Variants in PIGW observed in about 807,000 individuals in gnomAD.
The protein encoded by PIGW is phosphatidylinositol glycan anchor biosynthesis class W.
PIGW carries 23 observed loss-of-function variants against 34.0 expected under a neutral mutation model. The ratio of observed to expected loss-of-function variants is 0.68; its 90% CI spans 0.49 to 0.96. The LOEUF is 0.96. PIGW is among the 40% of genes least tolerant of loss of function. The pLI, the probability that PIGW is intolerant of heterozygous loss-of-function variation, is 0.00. For synonymous variants in PIGW, 225 were observed against 225.2 expected (o/e 1.00, Z 0.01); for missense variants, 574 against 586.3 (o/e 0.98, Z 0.22).
At chr17:36,537,034 T>C (rs1304265151) in intron 1 of PIGW, 60 bp from the exon 2 acceptor site, 6 of 1,410,348 alleles carry the variant, frequency 4.3e-6, no homozygotes, top group Middle Eastern at 1.9e-4. Flanking sequence ...AAGCCAGGTA[T>C]GCTAATTACA....
Position 36,538,684 on chromosome 17 carries a change from G to T in PIGW, c.*68G>T. The T allele has an allele frequency of 1.5e-6, 2 of 1,325,246 alleles. No individual in the cohort carries two copies. Among genetic ancestry groups the T allele is most frequent in the Non-Finnish European group, 2.1e-6 (2 of 964,096 alleles). The allele number at this position is 1,325,246 out of a possible 1,614,324, so 82.1% of individuals were successfully genotyped here. A position where few individuals can be genotyped will look rare whatever the true frequency, so the allele number is the denominator to read the frequency against. On this transcript the variant is annotated 3_prime_UTR_variant, in exon 2 of 2. Coordinates refer to ENST00000614443, the MANE Select transcript of PIGW (RefSeq NM_001346754.2). Reference sequence around the variant, plus strand: ...GAGGAATATTAATTGTAAAGAAATTGTGCTTTTGGCAACAGTGTTAACCAT... The same window carrying T: ...GAGGAATATTAATTGTAAAGAAATTTTGCTTTTGGCAACAGTGTTAACCAT...
At position 36,535,160 on chromosome 17, in the gene PIGW, C is replaced by A. The variant is rs994234422; in HGVS notation, c.-441C>A. 6.7e-6 allele frequency: 1 copy of A among 149,528 alleles called. No homozygotes were observed. Among genetic ancestry groups the A allele is most frequent in the Non-Finnish European group, 1.5e-5 (1 of 68,126 alleles). The allele number at this position is 149,528 out of a possible 1,614,324, so 9.3% of individuals were successfully genotyped here. A position where few individuals can be genotyped will look rare whatever the true frequency, so the allele number is the denominator to read the frequency against. On this transcript the variant is annotated 5_prime_UTR_variant, in exon 1 of 2. Transcript: ENST00000614443. ...GGTTTCCTGGGCCTTCGGGCGACAC[C>A]AGGACTGGGGGTCTTTCAGTAGAGG...
rs886794381 is a variant in PIGW, at chr17:36,537,744, G to A, written c.643G>A (p.Gly215Arg). The A allele has an allele frequency of 6.2e-6, 10 of 1,613,956 alleles. No individual in the cohort carries two copies. The highest frequency in any genetic ancestry group is 5.3e-5 in the African/African-American group (4 of 74,880). Residue 215 changes from glycine to arginine, a missense_variant, in exon 2 of 2, where the codon GGA becomes AGA. Physicochemically the swap from Gly to Arg is moderately radical, Grantham distance 125. Coordinates refer to ENST00000614443, the MANE Select transcript of PIGW (RefSeq NM_001346754.2). The stretch of plus-strand genomic sequence containing the variant: ...TTGGCCATTAGTCTTCCTAGGAATC[G>A]GACGATTAGCCATTATAAAATCAAT... ...SVWPLVFLGI[G>R]RLAIIKSIGY...
chr17:36,537,735 C>G lies in PIGW; in HGVS notation c.634C>G (p.Leu212Val). The part of the protein sequence containing the change: ...SLYSVWPLVF[L>V]GIGRLAIIKS... ...GTACTCTGTTTGGCCATTAGTCTTC[C>G]TAGGAATCGGACGATTAGCCATTAT... Residue 212 changes from leucine to valine, a missense_variant, in exon 2 of 2, where the codon CTA becomes GTA. Physicochemically the swap from Leu to Val is conservative, Grantham distance 32. Coordinates refer to ENST00000614443, the MANE Select transcript of PIGW (RefSeq NM_001346754.2). The G allele has an allele frequency of 6.2e-7, 1 of 1,614,014 alleles. No individual in the cohort carries two copies. The highest frequency in any genetic ancestry group is 1.1e-5 in the South Asian group (1 of 91,078).
At position 36,537,238 on chromosome 17, in the gene PIGW, T is replaced by C; in HGVS notation, c.137T>C (p.Leu46Ser). The change falls in exon 2 of 2, where the codon TTG becomes TCG. Residue 46 changes from leucine to serine, a missense_variant. Transcript: ENST00000614443. ...RGFLIIFSQY[L>S]CSFSPTWKTR... ...TTCCTGATCATTTTCTCACAGTACT[T>C]GTGTTCTTTTTCACCTACCTGGAAA... 6.2e-7 allele frequency: 1 copy of C among 1,614,142 alleles called. No homozygotes were observed. Among genetic ancestry groups the C allele is most frequent in the Non-Finnish European group, 8.5e-7 (1 of 1,180,024 alleles).
At position 36,538,052 on chromosome 17, in the gene PIGW, G is replaced by C. The variant is rs756600566; in HGVS notation, c.951G>C (p.Met317Ile). Residue 317 changes from methionine to isoleucine, a missense_variant, in exon 2 of 2, where the codon ATG becomes ATC. Physicochemically the swap from Met to Ile is conservative, Grantham distance 10. Transcript: ENST00000614443. ...CCCTGGGGTATGTGGCAATACACAT[G>C]GCTGGTGTGCAAACAGGGTTATATA... ...ISTLGYVAIHMAGVQTGLYMH... is the reference protein window; with the variant it reads ...ISTLGYVAIHIAGVQTGLYMH... 1 of 1,614,124 alleles carries C rather than the reference G, an allele frequency of 6.2e-7. No individual in the cohort carries two copies. Among genetic ancestry groups the C allele is most frequent in the Non-Finnish European group, 8.5e-7 (1 of 1,180,032 alleles).
Position 36,537,782 on chromosome 17 carries a change from A to G in PIGW, c.681A>G (p.Glu227=), listed in dbSNP as rs2074163182. Residue 227 remains glutamate (E), a synonymous_variant, in exon 2 of 2, where the codon GAA becomes GAG. Coordinates refer to ENST00000614443, the MANE Select transcript of PIGW (RefSeq NM_001346754.2). ...LAIIKSIGYQ[E]HLTEYGVHWN... Reference sequence around the variant, plus strand: ...TTATAAAATCAATAGGCTATCAGGAACATTTAACAGAGTATGGAGTTCACT... The same window carrying G: ...TTATAAAATCAATAGGCTATCAGGAGCATTTAACAGAGTATGGAGTTCACT... 1 of 1,614,072 alleles carries G rather than the reference A, an allele frequency of 6.2e-7. No homozygotes were observed. The highest frequency in any genetic ancestry group is 1.3e-5 in the African/African-American group (1 of 74,940).
Position 36,537,211 on chromosome 17 carries a change from G to A in PIGW, c.110G>A (p.Gly37Glu). 1 of 1,614,142 alleles carries A rather than the reference G, an allele frequency of 6.2e-7. No homozygotes were observed. Among genetic ancestry groups the A allele is most frequent in the Non-Finnish European group, 8.5e-7 (1 of 1,179,990 alleles). The change falls in exon 2 of 2, where the codon GGG becomes GAG. Residue 37 changes from glycine to glutamate, a missense_variant. By Grantham distance (98) the Gly-to-Glu change is moderately conservative. Coordinates refer to ENST00000614443, the MANE Select transcript of PIGW (RefSeq NM_001346754.2). Reference sequence around the variant, plus strand: ...CCTGCATTCTGTATCCTGTGCAGAGGGTTCCTGATCATTTTCTCACAGTAC... The same window carrying A: ...CCTGCATTCTGTATCCTGTGCAGAGAGTTCCTGATCATTTTCTCACAGTAC... The part of the protein sequence containing the change: ...CFPAFCILCR[G>E]FLIIFSQYLC...
In PIGW at chr17:36,537,687, T is replaced by C. The variant is rs750371514; in HGVS notation, c.586T>C (p.Leu196=). Reference sequence around the variant, plus strand: ...GAGAAAATATATGGAAGGGTCCAAATTGCATTACTTTACAAACTCATTGTA... The same window carrying C: ...GAGAAAATATATGGAAGGGTCCAAACTGCATTACTTTACAAACTCATTGTA... The part of the protein sequence containing the change: ...RRRKYMEGSK[L]HYFTNSLYSV... Residue 196 remains leucine (L), a synonymous_variant, in exon 2 of 2, where the codon TTG becomes CTG. Coordinates refer to ENST00000614443, the MANE Select transcript of PIGW (RefSeq NM_001346754.2). 1 of 1,614,128 alleles carries C rather than the reference T, an allele frequency of 6.2e-7. No individual in the cohort carries two copies. Among genetic ancestry groups the C allele is most frequent in the East Asian group, 2.2e-5 (1 of 44,882 alleles).
At position 36,537,845 on chromosome 17, in the gene PIGW, A is replaced by C. The variant is rs1330790592; in HGVS notation, c.744A>C (p.Ile248=). The change falls in exon 2 of 2, where the codon ATA becomes ATC. Residue 248 remains isoleucine (I), a synonymous_variant. Coordinates refer to ENST00000614443, the MANE Select transcript of PIGW (RefSeq NM_001346754.2). The part of the protein sequence containing the change: ...FFFTIIVVKL[I]TPLLLIIFPL... ...TTACCATAATAGTTGTGAAATTGAT[A>C]ACACCACTGCTGTTGATTATTTTTC... is the stretch of plus-strand genomic sequence containing the variant. 6.2e-7 allele frequency: 1 copy of C among 1,614,160 alleles called. No individual in the cohort carries two copies.
rs747229192 is a variant in PIGW at position 36,537,118 on chromosome 17, T to C, written c.17T>C (p.Met6Thr). 6 of 1,591,564 alleles carry C rather than the reference T, an allele frequency of 3.8e-6. No homozygotes were observed. Among genetic ancestry groups the C allele is most frequent in the Non-Finnish European group, 4.3e-6 (5 of 1,170,802 alleles). Residue 6 changes from methionine (M) to threonine (T), a missense_variant, in exon 2 of 2, where the codon ATG (methionine) becomes ACG (threonine). By Grantham distance (81) the Met-to-Thr change is moderately conservative (BLOSUM62 -1). Coordinates refer to ENST00000614443, the MANE Select transcript of PIGW (RefSeq NM_001346754.2). ...GGAAGAAAAATGTCTGAAAAGCAGA[T>C]GAAGGAAGCTTTTGTCAGTAACCTC... MSEKQMKEAFVSNLNG... is the reference protein window; with the variant it reads MSEKQTKEAFVSNLNG...
chr17:36,537,087 T>C lies in PIGW; in HGVS notation c.-8-7T>C. The C allele has an allele frequency of 6.4e-7, 1 of 1,570,444 alleles. No individual in the cohort carries two copies. Among genetic ancestry groups the C allele is most frequent in the Non-Finnish European group, 8.6e-7 (1 of 1,160,014 alleles). On this transcript the variant is annotated splice_polypyrimidine_tract_variant and splice_region_variant and intron_variant, in intron 1 of 1. Coordinates refer to ENST00000614443, the MANE Select transcript of PIGW (RefSeq NM_001346754.2). ...ACAAATCCATTCCTTTGCTCTTGTTTTCACAGGAAGAAAAATGTCTGAAAA... is the reference window on the plus strand; with the variant it reads ...ACAAATCCATTCCTTTGCTCTTGTTCTCACAGGAAGAAAAATGTCTGAAAA...
rs138661637 is a variant in PIGW, at chr17:36,539,020, G to T, written c.*404G>T. ...AACACCCACCTTGGCCTCCCAAAGT[G>T]CTGGGATTACAGGTGTGAGCCACCA... is the stretch of plus-strand genomic sequence containing the variant. On this transcript the variant is annotated 3_prime_UTR_variant, in exon 2 of 2. Coordinates refer to ENST00000614443, the MANE Select transcript of PIGW (RefSeq NM_001346754.2). The T allele has an allele frequency of 6.7e-3, 1,155 of 173,522 alleles. 12 individuals carry two copies. The highest frequency in any genetic ancestry group is 0.026 in the African/African-American group (1,093 of 41,704). 10.7% of individuals were successfully genotyped at this position (173,522 alleles called of 1,614,324 possible).
In PIGW at chr17:36,537,239, G is replaced by C. The variant is rs906166925; in HGVS notation, c.138G>C (p.Leu46Phe). 6.2e-7 allele frequency: 1 copy of C among 1,614,062 alleles called. No individual in the cohort carries two copies. The highest frequency in any genetic ancestry group is 2.2e-5 in the East Asian group (1 of 44,878). ...TCCTGATCATTTTCTCACAGTACTTGTGTTCTTTTTCACCTACCTGGAAAA... is the reference window on the plus strand; with the variant it reads ...TCCTGATCATTTTCTCACAGTACTTCTGTTCTTTTTCACCTACCTGGAAAA... ...RGFLIIFSQY[L>F]CSFSPTWKTR... is the part of the protein sequence containing the mutation. The change falls in exon 2 of 2, where the codon TTG becomes TTC. Residue 46 changes from leucine to phenylalanine, a missense_variant. Transcript: ENST00000614443.
rs2074177282 is a variant in PIGW at position 36,538,643 on chromosome 17, T to C, written c.*27T>C. ...CAGCAGGAGTAGGATATATAAGTAT[T>C]TGGGCAATATTTAATGAGGAATATT... On this transcript the variant is annotated 3_prime_UTR_variant, in exon 2 of 2. Transcript: ENST00000614443. The C allele has an allele frequency of 6.7e-7, 1 of 1,483,726 alleles. No individual in the cohort carries two copies. Among genetic ancestry groups the C allele is most frequent in the Non-Finnish European group, 9.2e-7 (1 of 1,090,764 alleles). 91.9% of individuals were successfully genotyped at this position (1,483,726 alleles called of 1,614,324 possible). A position where few individuals can be genotyped will look rare whatever the true frequency, so the allele number is the denominator to read the frequency against.
rs1009368269 is a variant in PIGW, at chr17:36,538,107, T to G, written c.1006T>G (p.Leu336Val). The G allele has an allele frequency of 5.0e-6, 8 of 1,614,210 alleles. No homozygotes were observed. Among genetic ancestry groups the G allele is most frequent in the Non-Finnish European group, 6.8e-6 (8 of 1,180,044 alleles). Reference sequence around the variant, plus strand: ...TAAGAACCGATCACATATCAAAGACTTGATAAAAGTAGCCTGTTTTCTTTT... The same window carrying G: ...TAAGAACCGATCACATATCAAAGACGTGATAAAAGTAGCCTGTTTTCTTTT... ...MHKNRSHIKD[L>V]IKVACFLLLA... Residue 336 changes from leucine to valine, a missense_variant, in exon 2 of 2, where the codon TTG becomes GTG. By Grantham distance (32) the Leu-to-Val change is conservative. Transcript: ENST00000614443.
chr17:36,536,524 C>CATT (rs2074129893), intron 1 of PIGW, among the ~76,000 whole-genome samples: 1 of 125,532 alleles, frequency 8.0e-6, no homozygotes, highest in South Asian at 2.5e-4. Flanking sequence ...TTTTCTTTTC[C>CATT]TTTTTTTTTT....
At position 36,538,552 on chromosome 17, in the gene PIGW, T is replaced by TA; in HGVS notation, c.1451_1452insA (p.Met484IlefsTer16). On this transcript the variant is annotated frameshift_variant, in exon 2 of 2. Coordinates refer to ENST00000614443, the MANE Select transcript of PIGW (RefSeq NM_001346754.2). LOFTEE classifies it high-confidence loss of function. ...GCCTTATTTGTGGTCAATCTCTATA[T>TA]GTTTTCCAACTGTTTAATTGTATAT... 1 of 1,613,868 alleles carries TA rather than the reference T, an allele frequency of 6.2e-7. No individual in the cohort carries two copies. Among genetic ancestry groups the TA allele is most frequent in the Middle Eastern group, 1.6e-4 (1 of 6,062 alleles).
Position 36,537,895 on chromosome 17 carries a change from C to T in PIGW, c.794C>T (p.Ala265Val), listed in dbSNP as rs746256488. 8.1e-6 allele frequency: 13 copies of T among 1,613,842 alleles called. No homozygotes were observed. The highest frequency in any genetic ancestry group is 2.7e-5 in the African/African-American group (2 of 74,886). The stretch of plus-strand genomic sequence containing the variant: ...CCCCTAAATAAGTCCTGGATTATTG[C>T]CCTCGGCATTACTGTATTATACCAG... ...IFPLNKSWII[A>V]LGITVLYQLA... Residue 265 changes from alanine (A) to valine (V), a missense_variant, in exon 2 of 2, where the codon GCC becomes GTC. Coordinates refer to ENST00000614443, the MANE Select transcript of PIGW (RefSeq NM_001346754.2).
Sources: gnomAD v4.1 joint callset for allele counts (sites outside exome capture counted in the v4.1 genomes callset) on GRCh38, gnomAD v4.1.1 for gene constraint, MANE v1.5 for transcripts, NCBI Gene and HGNC (gene_info 2026-07-23, HGNC 2026-07-21) for gene names.